PXDNL: variants seen among roughly 807,000 people sequenced by gnomAD.
PXDNL encodes peroxidasin like.
In PXDNL, 145 loss-of-function variants were observed where a neutral mutation model predicts 150.8. The observed-to-expected ratio is 0.96, with a 90% CI of 0.84 to 1.10. The LOEUF is 1.10. Ranked by LOEUF, PXDNL falls within the 50% of genes least tolerant of loss-of-function variation. PXDNL has a pLI of 0.00. For missense variants in PXDNL, 2,087 were observed against 1,873.9 expected, an observed-to-expected ratio of 1.11 and a Z score of -2.10; for synonymous variants, 757 against 725.7, an observed-to-expected ratio of 1.04 and a Z score of -0.69.
chr8:51,483,830 A>C, intron 5 of PXDNL, 116 bp from the exon 6 acceptor site: 2 of 640,890 alleles, frequency 3.1e-6, no homozygotes, highest in East Asian at 2.8e-5. Context: ...TTCAGTGAGA[A>C]AGGGCAAACA....
At chr8:51,686,273 C>A (rs1317550350) in intron 1 of PXDNL, among the ~76,000 whole-genome samples, 1 of 152,182 alleles carries the variant, frequency 6.6e-6, no homozygotes, top group African/African-American at 2.4e-5. Flanking sequence ...AATGGCTTGG[C>A]ATGTCCATGT....
chr8:51,320,487 C>T (rs1805283663), intron 22 of PXDNL, among the ~76,000 whole-genome samples: 1 of 152,294 alleles, frequency 6.6e-6, no homozygotes, highest in Admixed American at 6.5e-5. Context: ...GAACTCAAGT[C>T]CCAGGTTGGC....
At position 51,534,217 on chromosome 8, in the gene PXDNL, C is replaced by G. The variant is rs1377013855; in HGVS notation, c.380+22623G>C. The stretch of plus-strand genomic sequence containing the variant: ...GAGGAGCGTCTCTGCCCGGCCGCCC[C>G]GTCTGAGAAGTAAGGAAACCCTCCG... On this transcript the variant is annotated intron_variant, in intron 4 of 22. Coordinates refer to ENST00000356297, the MANE Select transcript of PXDNL (RefSeq NM_144651.5). Among the ~76,000 whole-genome samples, 2 of 137,756 alleles carry G rather than the reference C, an allele frequency of 1.5e-5. 1 individual carries two copies. Among genetic ancestry groups the G allele is most frequent in the South Asian group, 4.4e-4 (2 of 4,508 alleles). 90.4% of individuals were successfully genotyped at this position (137,756 alleles called of 152,430 possible).
rs151209407 is a variant in PXDNL at position 51,683,815 on chromosome 8, C to T, written c.165-29055G>A. 1.7e-3 allele frequency among the ~76,000 whole-genome samples: 257 copies of T among 152,260 alleles called. 1 individual carries two copies. The highest frequency in any genetic ancestry group is 3.4e-3 in the Middle Eastern group (1 of 294). ...AAGGCATGCGAGACTGATGTGTAGGCAAACAGCTCCAGTGTAGCAAGGAGG... is the reference window on the plus strand; with the variant it reads ...AAGGCATGCGAGACTGATGTGTAGGTAAACAGCTCCAGTGTAGCAAGGAGG... On this transcript the variant is annotated intron_variant, in intron 1 of 22. Transcript: ENST00000356297.
At chr8:51,417,910 G>A (rs1401712799) in intron 14 of PXDNL, among the ~76,000 whole-genome samples, 3 of 152,146 alleles carry the variant, frequency 2.0e-5, no homozygotes, top group Admixed American at 2.0e-4. Flanking sequence ...TTCAGAGACT[G>A]GAAAAGGAAA....
chr8:51,588,993 G>A (rs937839342), intron 3 of PXDNL, among the ~76,000 whole-genome samples: 1 of 152,172 alleles, frequency 6.6e-6, no homozygotes, highest in Non-Finnish European at 1.5e-5. Context: ...CCTTTAAGAG[G>A]TGATTAGGTC....
chr8:51,721,733 C>G, intron 1 of PXDNL: 1 of 429,168 alleles, frequency 2.3e-6, no homozygotes, highest in Non-Finnish European at 4.6e-6. Context: ...ACTTCACTAT[C>G]ATCATCATCA....
intron 2 of PXDNL, among the ~76,000 whole-genome samples, chr8:51,624,629 G>A (rs1444204245): frequency 6.7e-6 from 1 of 149,008 alleles, no homozygotes; most frequent in Non-Finnish European, 1.5e-5. Flanking sequence ...AGTGTTTAGA[G>A]CCTATTCTAC....
chr8:51,345,844 A>G lies in PXDNL; in HGVS notation c.4005T>C (p.His1335=), dbSNP rs867976190. The G allele has an allele frequency of 5.0e-6, 8 of 1,603,042 alleles. No homozygotes were observed. In the Middle Eastern group the frequency reaches 8.3e-4, roughly 165 times the overall value. Residue 1335 remains histidine (H), a synonymous_variant, in exon 20 of 23, where the codon CAT becomes CAC. Coordinates refer to ENST00000356297, the MANE Select transcript of PXDNL (RefSeq NM_144651.5). ...YPVDKDMELS[H]LRSRQQDKIY... Reference sequence around the variant, plus strand: ...ATTTCTATACATACCTACTTCTTAGATGACTTAACTCCATATCCTTATCAA... The same window carrying G: ...ATTTCTATACATACCTACTTCTTAGGTGACTTAACTCCATATCCTTATCAA...
chr8:51,723,381 A>C (rs1816765180), intron 1 of PXDNL, among the ~76,000 whole-genome samples: 2 of 152,210 alleles, frequency 1.3e-5, no homozygotes, highest in African/African-American at 2.4e-5. Context: ...GAAAAATCAA[A>C]AGTGAAACCA....
At chr8:51,694,968 C>T (rs117410998) in intron 1 of PXDNL, among the ~76,000 whole-genome samples, 138 of 152,284 alleles carry the variant, frequency 9.1e-4, no homozygotes, top group Non-Finnish European at 1.1e-3. Context: ...AACCAATAAA[C>T]CATACATCGT....
chr8:51,677,938 T>C (rs1815660395), intron 1 of PXDNL, among the ~76,000 whole-genome samples: 1 of 152,170 alleles, frequency 6.6e-6, no homozygotes, highest in African/African-American at 2.4e-5. Flanking sequence ...TCCTTCCTCA[T>C]AAAGGCTATG....
intron 1 of PXDNL, among the ~76,000 whole-genome samples, chr8:51,720,247 T>G (rs1048837109): frequency 6.6e-6 from 1 of 151,812 alleles, no homozygotes; most frequent in Non-Finnish European, 1.5e-5. Flanking sequence ...CAGAAGCAAA[T>G]TGTTCTTAAA....
At chr8:51,529,612 T>C (rs1385050781) in intron 4 of PXDNL, among the ~76,000 whole-genome samples, 2 of 152,224 alleles carry the variant, frequency 1.3e-5, no homozygotes, top group Non-Finnish European at 2.9e-5. Flanking sequence ...CTAACCCATC[T>C]CATCCATCCT....
intron 1 of PXDNL, among the ~76,000 whole-genome samples, chr8:51,746,989 C>A (rs534982729): frequency 6.3e-4 from 96 of 152,344 alleles, no homozygotes; most frequent in African/African-American, 2.3e-3. Flanking sequence ...TCCCAAAGTT[C>A]TGGGATTAAA....
At chr8:51,662,970 G>C (rs1222969263) in intron 1 of PXDNL, among the ~76,000 whole-genome samples, 3 of 152,162 alleles carry the variant, frequency 2.0e-5, no homozygotes, top group African/African-American at 4.8e-5. Flanking sequence ...AATCTGGCTT[G>C]CCAATGAATT....
At chr8:51,764,437 A>T (rs2037203071) in intron 1 of PXDNL, among the ~76,000 whole-genome samples, 1 of 146,048 alleles carries the variant, frequency 6.8e-6, no homozygotes. Context: ...TAATATGGGC[A>T]TTTACAACTC....
At chr8:51,523,303 A>C (rs1352612915) in intron 4 of PXDNL, among the ~76,000 whole-genome samples, 1 of 152,216 alleles carries the variant, frequency 6.6e-6, no homozygotes, top group Non-Finnish European at 1.5e-5. Flanking sequence ...ATTATTTACT[A>C]ATATGCTTTT....
intron 2 of PXDNL, among the ~76,000 whole-genome samples, chr8:51,641,086 G>T (rs530579245): frequency 5.3e-5 from 8 of 151,738 alleles, no homozygotes; most frequent in African/African-American, 1.9e-4. Context: ...ACAAACCTGA[G>T]AAAAACAAGC....
Sources: allele counts gnomAD v4.1 joint callset (sites outside exome capture counted in the v4.1 genomes callset), GRCh38; gene constraint gnomAD v4.1.1; transcripts MANE v1.5; gene names NCBI Gene and HGNC (gene_info 2026-07-23, HGNC 2026-07-21).